The following SYNE1 variants were observed in gnomAD, a reference collection of about 807,000 sequenced individuals.
The protein encoded by SYNE1 is nesprin-1.
SYNE1 carries 616 observed loss-of-function variants against 1,111.0 expected under a neutral mutation model. The ratio of observed to expected loss-of-function variants is 0.55; its 90% CI spans 0.52 to 0.59. The LOEUF (loss-of-function observed/expected upper bound fraction) is 0.59, where lower values mean the gene tolerates loss of function less well. Ranked by LOEUF, SYNE1 falls within the 20% of genes least tolerant of loss-of-function variation. SYNE1 has a pLI of 0.00. For missense variants in SYNE1, 10,006 were observed against 10,417.0 expected (o/e 0.96, Z 1.72); for synonymous variants, 3,855 against 3,825.8 (o/e 1.01, Z -0.28).
chr6:152,243,342 G>A (rs1017009245), intron 106 of SYNE1, among the ~76,000 whole-genome samples: 1 of 152,208 alleles, frequency 6.6e-6, no homozygotes, highest in African/African-American at 2.4e-5. Context: ...AGCAGAAAGA[G>A]TTTCAAACTT....
rs750227549 is a variant in SYNE1 at position 152,135,177 on chromosome 6, C to T, written c.25715G>A (p.Arg8572Lys). Residue 8572 changes from arginine to lysine, a missense_variant, in exon 142 of 146, where the codon AGG becomes AAG. Arg to Lys is a conservative substitution (Grantham distance 26, BLOSUM62 2). Coordinates refer to ENST00000367255, the MANE Select transcript of SYNE1 (RefSeq NM_182961.4). ...LLLMLENIDR[R>K]KNEIVPIDSN... ...ATCAATAGGGACAATTTCATTTTTC[C>T]TTCTGTCAATGTTCTCCAGCATAAG... 1.2e-6 allele frequency: 2 copies of T among 1,614,084 alleles called. No individual in the cohort carries two copies. The highest frequency in any genetic ancestry group is 2.2e-5 in the South Asian group (2 of 91,088).
rs1444859396 is a variant in SYNE1 at position 152,278,279 on chromosome 6, T to C, written c.18383A>G (p.Asn6128Ser). The C allele has an allele frequency of 1.9e-6, 3 of 1,613,926 alleles. No homozygotes were observed. In the African/African-American group the frequency reaches 4.0e-5, roughly 22 times the overall value. Residue 6128 changes from asparagine (N) to serine (S), a missense_variant and splice_region_variant, in exon 98 of 146, where the codon AAT becomes AGT. Physicochemically the swap from Asn to Ser is conservative, Grantham distance 46 (BLOSUM62 1). Around this residue, in one of 7 missense-constraint regions of SYNE1, gnomAD observed 99 missense variants for 147.8 expected, o/e 0.67. Coordinates refer to ENST00000367255, the MANE Select transcript of SYNE1 (RefSeq NM_182961.4). ...CTTCTGCTCTATTTCCACCAGCATA[T>C]TCTGCAGCAACAGAAATAAGAATGA... is the stretch of plus-strand genomic sequence containing the variant. ...DMEAQLMDCQ[N>S]MLVEIEQKVV... is the part of the protein sequence containing the mutation.
Position 152,278,230 on chromosome 6 carries a change from T to G in SYNE1, c.18432A>C (p.Ser6144=), listed in dbSNP as rs769588658. 1.9e-6 allele frequency: 3 copies of G among 1,614,054 alleles called. No individual in the cohort carries two copies. Among genetic ancestry groups the G allele is most frequent in the Non-Finnish European group, 2.5e-6 (3 of 1,180,042 alleles). ...CCAGCAGCAGGTTCTCATTGTGGAC[T>G]GACAGTTCTGATAAAGCCACCACCT... ...EQKVVALSEL[S]VHNENLLLEG... Residue 6144 remains serine, a synonymous_variant, in exon 98 of 146, where the codon TCA becomes TCC. Transcript: ENST00000367255.
Position 152,206,254 on chromosome 6 carries a change from C to A in SYNE1, c.22933G>T (p.Ala7645Ser). 6.2e-7 allele frequency: 1 copy of A among 1,613,908 alleles called. No individual in the cohort carries two copies. Among genetic ancestry groups the A allele is most frequent in the Non-Finnish European group, 8.5e-7 (1 of 1,180,020 alleles). ...ADSGAEAALQ[A>S]ELAEIQEKWK... ...TTCTCTTGGATTTCAGCGAGTTCGG[C>A]CTGCAAGGCGGCCTCAGCGCCACTG... The change falls in exon 126 of 146, where the codon GCC (alanine) becomes TCC (serine). Residue 7645 changes from alanine (A) to serine (S), a missense_variant. Around this residue, in one of 7 missense-constraint regions of SYNE1, gnomAD observed 2,182 missense variants for 2,287.8 expected, o/e 0.95. Coordinates refer to ENST00000367255, the MANE Select transcript of SYNE1 (RefSeq NM_182961.4).
At chr6:152,149,200 T>C (rs1395110907) in intron 136 of SYNE1, among the ~76,000 whole-genome samples, 1 of 152,238 alleles carries the variant, frequency 6.6e-6, no homozygotes, top group East Asian at 1.9e-4. Context: ...TCTTCTAAAC[T>C]CTTTGTATAC....
intron 145 of SYNE1, among the ~76,000 whole-genome samples, chr6:152,123,750 C>A (rs1487848716): frequency 6.6e-6 from 1 of 152,120 alleles, no homozygotes; most frequent in Non-Finnish European, 1.5e-5. Flanking sequence ...GTATAAATTC[C>A]TTAAGAGTTT....
chr6:152,604,486 T>C, intron 3 of SYNE1, among the ~76,000 whole-genome samples: 1 of 151,982 alleles, frequency 6.6e-6, no homozygotes, highest in East Asian at 1.9e-4. Flanking sequence ...CTATTTTTTG[T>C]AGCGATAAGG....
intron 130 of SYNE1, among the ~76,000 whole-genome samples, chr6:152,172,609 A>T (rs1252386117): frequency 6.6e-6 from 1 of 152,212 alleles, no homozygotes; most frequent in Non-Finnish European, 1.5e-5. Context: ...TACTAAAAAG[A>T]CAGATTTCCT....
chr6:152,623,071 G>A (rs2099679041), intron 3 of SYNE1, among the ~76,000 whole-genome samples: 1 of 152,056 alleles, frequency 6.6e-6, no homozygotes. Flanking sequence ...AACAAAGCTG[G>A]AGGCATCATG....
At chr6:152,361,530 A>G (rs1231863493) in intron 64 of SYNE1, among the ~76,000 whole-genome samples, 1 of 152,212 alleles carries the variant, frequency 6.6e-6, no homozygotes, top group African/African-American at 2.4e-5. Context: ...TTCCAATGTA[A>G]TATATTCAGG....
At chr6:152,414,470 A>G (rs1044213770) in intron 41 of SYNE1, among the ~76,000 whole-genome samples, 1 of 152,156 alleles carries the variant, frequency 6.6e-6, no homozygotes, top group African/African-American at 2.4e-5. Context: ...ACAGTTTGGT[A>G]TAGGACTGTA....
At chr6:152,256,909 C>T in intron 101 of SYNE1, 144 bp from the exon 102 acceptor site, 1 of 1,292,038 alleles carries the variant, frequency 7.7e-7, no homozygotes, top group Non-Finnish European at 1.1e-6. Flanking sequence ...TACAACATAC[C>T]ATGTCCACTG....
intron 142 of SYNE1, 23 bp from the exon 143 acceptor site, chr6:152,133,511 A>T (rs1460037159): frequency 6.2e-7 from 1 of 1,611,598 alleles, no homozygotes; most frequent in Admixed American, 1.7e-5. Context: ...AAACAAATTA[A>T]TTTTTCTAAG....
Position 152,330,031 on chromosome 6 carries a change from T to C in SYNE1, c.14654A>G (p.Gln4885Arg). ...CATCTCAGTCTGGAAGTCTATACTC[T>C]GCACCATTCGGCTCTCACATTCTGT... ...TVTECESRMV[Q>R]SIDFQTEMSR... Residue 4885 changes from glutamine (Q) to arginine (R), a missense_variant, in exon 78 of 146, where the codon CAG (glutamine) becomes CGG (arginine). Physicochemically the swap from Gln to Arg is conservative, Grantham distance 43 (BLOSUM62 1). Coordinates refer to ENST00000367255, the MANE Select transcript of SYNE1 (RefSeq NM_182961.4). 6.2e-7 allele frequency: 1 copy of C among 1,614,190 alleles called. No individual in the cohort carries two copies. Among genetic ancestry groups the C allele is most frequent in the East Asian group, 2.2e-5 (1 of 44,880 alleles).
Position 152,510,236 on chromosome 6 carries a change from C to T in SYNE1, c.538G>A (p.Ala180Thr). ...RKVTTKIQGN[A>T]KKALLKWVQY... ...ACCCACTTTAATAAAGCCTTCTTAG[C>T]ATTTCCTTGGATCTTGGTGGTCACC... The change falls in exon 8 of 146, where the codon GCT becomes ACT. Residue 180 changes from alanine to threonine, a missense_variant. Ala to Thr is a moderately conservative substitution (Grantham distance 58). Around this residue, in one of 7 missense-constraint regions of SYNE1, gnomAD observed 1,971 missense variants for 2,084.1 expected, o/e 0.95. Coordinates refer to ENST00000367255, the MANE Select transcript of SYNE1 (RefSeq NM_182961.4). The T allele has an allele frequency of 1.2e-6, 2 of 1,614,026 alleles. No individual in the cohort carries two copies. The highest frequency in any genetic ancestry group is 1.7e-6 in the Non-Finnish European group (2 of 1,179,964).
At chr6:152,425,576 A>G in intron 38 of SYNE1, 29 bp from the exon 39 acceptor site, 1 of 1,612,940 alleles carries the variant, frequency 6.2e-7, no homozygotes, top group East Asian at 2.2e-5. Flanking sequence ...TACGGATCTC[A>G]TCCTAACAGG....
intron 121 of SYNE1, 80 bp from the exon 122 acceptor site, chr6:152,215,140 G>A (rs2078321618): frequency 2.6e-6 from 4 of 1,527,142 alleles, no homozygotes; most frequent in South Asian, 1.1e-5. Flanking sequence ...GTGAATTTCT[G>A]ATTTCAGGAA....
intron 89 of SYNE1, 143 bp from the exon 90 acceptor site, chr6:152,310,160 G>A (rs1487084600): frequency 8.1e-7 from 1 of 1,230,928 alleles, no homozygotes; most frequent in East Asian, 2.5e-5. Flanking sequence ...TGAGTTTAGG[G>A]GCTGGACACA....
At chr6:152,598,916 G>GTTTGCTGCTGTTCATC (rs1422949825) in intron 3 of SYNE1, among the ~76,000 whole-genome samples, 2 of 151,998 alleles carry the variant, frequency 1.3e-5, no homozygotes, top group Non-Finnish European at 2.9e-5. Context: ...GTTCATCTTT[G>GTTTGCTGCTGTTCATC]TCACAGAGAG....
Sources: gnomAD v4.1 joint callset for allele counts (sites outside exome capture counted in the v4.1 genomes callset) on GRCh38, gnomAD v4.1.1 for gene constraint, gnomAD v4.1.1 regional missense constraint, MANE v1.5 for transcripts, NCBI Gene and HGNC (gene_info 2026-07-23, HGNC 2026-07-21) for gene names.